Variants in SYNE2 observed in about 807,000 individuals in gnomAD.
The protein encoded by SYNE2 is nesprin-2.
Under a neutral mutation model 856.3 loss-of-function variants are expected in SYNE2, and 431 were observed. The observed-to-expected ratio is 0.50, with a 90% confidence interval of 0.47 to 0.55. SYNE2 has a LOEUF of 0.55. Among genes scored for constraint, SYNE2 ranks in the 20% least tolerant of loss-of-function variants. The probability of loss-of-function intolerance (pLI) is 0.00; values close to 1 mark genes in which losing one functional copy is unlikely to be tolerated. For synonymous variants in SYNE2, 2,923 were observed against 2,872.3 expected (o/e 1.02, Z -0.56); for missense variants, 8,129 against 8,023.2 (o/e 1.01, Z -0.50).
At chr14:64,161,802 T>G (rs2098332139) in intron 87 of SYNE2, among the ~76,000 whole-genome samples, 1 of 150,666 alleles carries the variant, frequency 6.6e-6, no homozygotes, top group South Asian at 2.1e-4. Flanking sequence ...AAAAAGAGAG[T>G]GAAACATTCA....
intron 2 of SYNE2, among the ~76,000 whole-genome samples, chr14:63,911,103 G>A (rs2095468141): frequency 6.6e-6 from 1 of 152,046 alleles, no homozygotes; most frequent in Non-Finnish European, 1.5e-5. Flanking sequence ...CTCCCACCAT[G>A]CCCCATAAGC....
intron 99 of SYNE2, among the ~76,000 whole-genome samples, chr14:64,195,370 C>G (rs2098536394): frequency 6.6e-6 from 1 of 152,132 alleles, no homozygotes; most frequent in Non-Finnish European, 1.5e-5. Flanking sequence ...TTTATGTTCT[C>G]TCCTGAATTT....
intron 1 of SYNE2, among the ~76,000 whole-genome samples, chr14:63,792,772 C>T (rs770397992): frequency 2.0e-5 from 3 of 151,894 alleles, no homozygotes; most frequent in Non-Finnish European, 4.4e-5. Flanking sequence ...CTCAAGTGAT[C>T]GTGATCACCT....
At chr14:63,994,062 A>G in intron 22 of SYNE2, 93 bp downstream of exon 22, 2 of 1,310,776 alleles carry the variant, frequency 1.5e-6, no homozygotes, top group Non-Finnish European at 2.2e-6. Flanking sequence ...TTTCCTGTCT[A>G]CGTTGTATCA....
At chr14:64,090,036 C>T (rs2097596138) in intron 59 of SYNE2, among the ~76,000 whole-genome samples, 1 of 152,164 alleles carries the variant, frequency 6.6e-6, no homozygotes, top group Admixed American at 6.5e-5. Context: ...CATATCCGTG[C>T]ACTGGTACTG....
chr14:63,901,977 G>A (rs113535006), intron 1 of SYNE2, among the ~76,000 whole-genome samples: 56 of 152,154 alleles, frequency 3.7e-4, no homozygotes, highest in South Asian at 1.5e-3. Flanking sequence ...TATGTCATTG[G>A]TAAAAGCATG....
chr14:64,215,547 A>G (rs1161809728), intron 107 of SYNE2, 193 bp downstream of exon 107: 4 of 667,278 alleles, frequency 6.0e-6, no homozygotes, highest in Non-Finnish European at 1.1e-5. Flanking sequence ...CATCCAAGCC[A>G]GAGCCGTCTC....
intron 7 of SYNE2, among the ~76,000 whole-genome samples, chr14:63,951,336 C>T (rs1253216725): frequency 6.6e-6 from 1 of 151,892 alleles, no homozygotes; most frequent in Non-Finnish European, 1.5e-5. Context: ...GAGTTTCGCT[C>T]TTGTCGCCCA....
chr14:63,919,972 G>GTTTTTTTTTTTTTTTTTTTTTTTTTTT (rs10673123), intron 2 of SYNE2, among the ~76,000 whole-genome samples: 7 of 110,598 alleles, frequency 6.3e-5, no homozygotes, highest in East Asian at 2.6e-4. Context: ...TAAAAGGTAA[G>GTTTTTTTTTTTTTTTTTTTTTTTTTTT]TTTTTTTTTT....
intron 1 of SYNE2, chr14:63,874,046 G>T (rs987294249): frequency 3.3e-5 from 5 of 152,188 alleles, no homozygotes; most frequent in African/African-American, 1.2e-4. Context: ...GATTAGGACA[G>T]TTAAAAACCA....
upstream of SYNE2, among the ~76,000 whole-genome samples, chr14:63,851,091 G>C (rs61985751): frequency 2.6e-5 from 4 of 152,252 alleles, no homozygotes; most frequent in Admixed American, 2.0e-4. Context: ...GGCCGGATGC[G>C]GTGGCTCATG....
intron 11 of SYNE2, among the ~76,000 whole-genome samples, chr14:63,971,629 G>GA (rs1318072579): frequency 6.8e-6 from 1 of 146,562 alleles, no homozygotes; most frequent in African/African-American, 2.5e-5. Flanking sequence ...GAAATTAAAT[G>GA]AAAAAATTAA....
At chr14:64,132,641 G>A (rs2098034301) in intron 77 of SYNE2, among the ~76,000 whole-genome samples, 1 of 152,146 alleles carries the variant, frequency 6.6e-6, no homozygotes, top group Non-Finnish European at 1.5e-5. Flanking sequence ...CATAGATTGG[G>A]GATGGTACTG....
At chr14:63,904,690 G>T (rs1257996898) in intron 1 of SYNE2, among the ~76,000 whole-genome samples, 1 of 151,976 alleles carries the variant, frequency 6.6e-6, no homozygotes, top group East Asian at 1.9e-4. Context: ...ATTTCTTTAA[G>T]ATCCTTATAG....
In SYNE2 at chr14:64,143,899, G is replaced by A; in HGVS notation, c.15434G>A (p.Gly5145Glu). The change falls in exon 83 of 116, where the codon GGG (glycine) becomes GAG (glutamate). Residue 5145 changes from glycine to glutamate, a missense_variant. Physicochemically the swap from Gly to Glu is moderately conservative, Grantham distance 98. Transcript: ENST00000555002. ...AGAACGGAGTTTGCAGAGCACCTGG[G>A]GGAGATGAACCGCCAGTGGCACCGT... Reference protein sequence around the residue: ...YERTEFAEHLGEMNRQWHRVH... With the variant: ...YERTEFAEHLEEMNRQWHRVH... 1 of 1,614,180 alleles carries A rather than the reference G, an allele frequency of 6.2e-7. No individual in the cohort carries two copies.
chr14:64,065,485 G>T lies in SYNE2; in HGVS notation c.10266G>T (p.Gln3422His), dbSNP rs2097352061. ...AAGAAGAGTTAATGAAACTACGACA[G>T]ATCCTTAGACTCTTGAGACTCAGGT... Reference protein sequence around the residue: ...STKEELMKLRQILRLLRLRCT... With the variant: ...STKEELMKLRHILRLLRLRCT... Residue 3422 changes from glutamine to histidine, a missense_variant, in exon 51 of 116, where the codon CAG (glutamine) becomes CAT (histidine). Gln to His is a conservative substitution (Grantham distance 24). This residue lies in a region of SYNE2 where 5,410 missense variants were observed against 5,284.8 expected (regional missense o/e 1.02). Transcript: ENST00000555002. 1 of 1,614,086 alleles carries T rather than the reference G, an allele frequency of 6.2e-7. No homozygotes were observed. Among genetic ancestry groups the T allele is most frequent in the Non-Finnish European group, 8.5e-7 (1 of 1,180,026 alleles).
intron 45 of SYNE2, among the ~76,000 whole-genome samples, chr14:64,039,526 C>A (rs1488449561): frequency 6.6e-6 from 1 of 152,102 alleles, no homozygotes; most frequent in African/African-American, 2.4e-5. Context: ...TCCAAACAGA[C>A]CCAAATGAAA....
chr14:63,861,516 C>A (rs1893706420), intron 1 of SYNE2, among the ~76,000 whole-genome samples: 1 of 151,458 alleles, frequency 6.6e-6, no homozygotes. Context: ...GTAGGCTGGG[C>A]ACTGTAGCAT....
At chr14:63,939,154 G>A (rs2095869302) in intron 2 of SYNE2, among the ~76,000 whole-genome samples, 1 of 152,148 alleles carries the variant, frequency 6.6e-6, no homozygotes, top group African/African-American at 2.4e-5. Context: ...GATGTGGGGA[G>A]ATGGAAGCTC....
Sources: gnomAD v4.1 joint callset for allele counts (sites outside exome capture counted in the v4.1 genomes callset) on GRCh38, gnomAD v4.1.1 for gene constraint, gnomAD v4.1.1 regional missense constraint, MANE v1.5 for transcripts, NCBI Gene and HGNC (gene_info 2026-07-23, HGNC 2026-07-21) for gene names.